FGFR2: variants seen among roughly 807,000 people sequenced by gnomAD.
FGFR2 encodes BEK fibroblast growth factor receptor.
In FGFR2, 19 loss-of-function variants were observed where a neutral mutation model predicts 95.9. The ratio of observed to expected loss-of-function variants is 0.20; its 90% CI spans 0.14 to 0.29. FGFR2 has a LOEUF of 0.29. Among genes scored for constraint, FGFR2 ranks in the 10% least tolerant of loss-of-function variants. The probability of loss-of-function intolerance (pLI) is 1.00; values close to 1 mark genes in which losing one functional copy is unlikely to be tolerated. For missense variants in FGFR2, 707 were observed against 1,056.9 expected (o/e 0.67, Z 4.59); for synonymous variants, 392 against 393.3 (o/e 1.00, Z 0.04).
chr10:121,489,076 G>GT (rs148211074), intron 13 of FGFR2, among the ~76,000 whole-genome samples: 26,566 of 151,334 alleles, frequency 0.18, 2,682 homozygotes, highest in African/African-American at 0.26. Context: ...TCTTGTTTTT[G>GT]TTTTTTTTGT....
intron 5 of FGFR2, among the ~76,000 whole-genome samples, chr10:121,545,376 T>G (rs1854350959): frequency 1.3e-5 from 2 of 152,184 alleles, no homozygotes. Flanking sequence ...ACCACGTAGG[T>G]CCAAATGGCA....
intron 16 of FGFR2, among the ~76,000 whole-genome samples, chr10:121,484,456 C>T (rs915454216): frequency 2.0e-5 from 3 of 152,104 alleles, no homozygotes; most frequent in South Asian, 4.1e-4. Flanking sequence ...ACAAAGAGCA[C>T]AATAAATGCC....
intron 9 of FGFR2, among the ~76,000 whole-genome samples, chr10:121,509,482 CTTTTT>C (rs67778522): frequency 6.2e-4 from 28 of 45,344 alleles, no homozygotes; most frequent in Admixed American, 3.6e-4. Flanking sequence ...TGTTTCTTTT[CTTTTT>C]TTTTTTTTTT....
chr10:121,487,494 G>A (rs1029447542), intron 14 of FGFR2, 70 bp from the exon 15 acceptor site: 2 of 1,266,392 alleles, frequency 1.6e-6, no homozygotes, highest in South Asian at 2.5e-5. Context: ...GCTCAATAGG[G>A]CTATGCCCTG....
chr10:121,532,034 G>C (rs1239539357), intron 6 of FGFR2, among the ~76,000 whole-genome samples: 2 of 152,184 alleles, frequency 1.3e-5, no homozygotes, highest in African/African-American at 4.8e-5. Context: ...GCCCCCCTCC[G>C]GTGAGATTTC....
rs2135087620 is a variant in FGFR2 at position 121,564,520 on chromosome 10, C to T, written c.436G>A (p.Glu146Lys). Residue 146 changes from glutamate (E) to lysine (K), a missense_variant, in exon 4 of 18, where the codon GAG becomes AAG. Physicochemically the swap from Glu to Lys is moderately conservative, Grantham distance 56 (BLOSUM62 1). Transcript: ENST00000358487. ...DTDGAEDFVS[E>K]NSNNKRAPYW... is the part of the protein sequence containing the mutation. ...TACTTACTCTTGTTGTTACTGTTCT[C>T]ACTGACAAAATCTTCCGCACCATCG... 2 of 1,614,000 alleles carry T rather than the reference C, an allele frequency of 1.2e-6. No individual in the cohort carries two copies. Among genetic ancestry groups the T allele is most frequent in the Non-Finnish European group, 1.7e-6 (2 of 1,179,992 alleles).
At chr10:121,523,151 CTA>C (rs1850804121) in intron 6 of FGFR2, among the ~76,000 whole-genome samples, 2 of 152,198 alleles carry the variant, frequency 1.3e-5, no homozygotes, top group South Asian at 4.1e-4. Context: ...TTACAGACAT[CTA>C]TGTTTTCACA....
In FGFR2 at chr10:121,524,718, C is replaced by T. The variant is rs59655402; in HGVS notation, c.749-4549G>A. ...GTGATGGCAGGGTGCAGATGGTGGA[C>T]GAGGATGCAGGCTGGGCAGAGTGGG... On this transcript the variant is annotated intron_variant, in intron 6 of 17. Coordinates refer to ENST00000358487, the MANE Select transcript of FGFR2 (RefSeq NM_000141.5). Among the ~76,000 whole-genome samples, 1,397 of 152,274 alleles carry T rather than the reference C, an allele frequency of 9.2e-3. 14 individuals carry two copies. The highest frequency in any genetic ancestry group is 0.032 in the African/African-American group (1,317 of 41,556).
At chr10:121,593,592 G>C in intron 2 of FGFR2, 117 bp downstream of exon 2, 1 of 895,200 alleles carries the variant, frequency 1.1e-6, no homozygotes, top group Non-Finnish European at 1.8e-6. Context: ...ACCACGATCT[G>C]GTGCTCTTAG....
intron 13 of FGFR2, among the ~76,000 whole-genome samples, chr10:121,489,693 T>TA (rs1202111519): frequency 6.6e-6 from 1 of 152,198 alleles, no homozygotes; most frequent in Admixed American, 6.5e-5. Flanking sequence ...TTGTCTCTCT[T>TA]AATCGGAGAG....
rs566829086 is a variant in FGFR2, at chr10:121,528,540, T to C, written c.749-8371A>G. Among the ~76,000 whole-genome samples, 7 of 152,284 alleles carry C rather than the reference T, an allele frequency of 4.6e-5. 1 individual carries two copies. The highest frequency in any genetic ancestry group is 1.7e-4 in the African/African-American group (7 of 41,552). ...AAGTCTAGAAAATCTATCATGCTCA[T>C]CTCTCTCACATGCCTTGTTTTGCTC... On this transcript the variant is annotated intron_variant, in intron 6 of 17. Transcript: ENST00000358487.
rs1240320209 is a variant in FGFR2, at chr10:121,485,803, T to A, written c.2058-271A>T. On this transcript the variant is annotated intron_variant, in intron 15 of 17. Coordinates refer to ENST00000358487, the MANE Select transcript of FGFR2 (RefSeq NM_000141.5). The surrounding 1 kb of genome is among the most constrained non-coding windows in gnomAD (Gnocchi z 4.2). ...GAGCTGCTTGTCTTAAATGTGGTGT[T>A]AGCAATGCAAGGATCTCAGTTTCTC... Among the ~76,000 whole-genome samples, 1 of 152,192 alleles carries A rather than the reference T, an allele frequency of 6.6e-6. No homozygotes were observed. The highest frequency in any genetic ancestry group is 1.9e-4 in the East Asian group (1 of 5,174).
chr10:121,530,664 C>T (rs530591194), intron 6 of FGFR2, among the ~76,000 whole-genome samples: 1 of 152,090 alleles, frequency 6.6e-6, no homozygotes, highest in Non-Finnish European at 1.5e-5. Flanking sequence ...CAAAGGCAGC[C>T]GTTGATAAAG....
rs566018972 is a variant in FGFR2 at position 121,506,394 on chromosome 10, C to T, written c.1288-2453G>A. Among the ~76,000 whole-genome samples the T allele has an allele frequency of 2.0e-5, 3 of 146,712 alleles. No individual in the cohort carries two copies. The South Asian group carries it at 6.5e-4, about 32-fold the overall frequency. On this transcript the variant is annotated intron_variant, in intron 9 of 17. Coordinates refer to ENST00000358487, the MANE Select transcript of FGFR2 (RefSeq NM_000141.5). ...AAAAAAAAGAGGCCTAGCAATGGGA[C>T]GACTTCCGCAAATGGCCAGGGTCTG...
intron 4 of FGFR2, among the ~76,000 whole-genome samples, chr10:121,557,230 G>A (rs1027446499): frequency 6.6e-5 from 10 of 152,222 alleles, no homozygotes; most frequent in African/African-American, 2.4e-4. Flanking sequence ...TTTGACCAAG[G>A]AGGAGACTGA....
intron 13 of FGFR2, among the ~76,000 whole-genome samples, chr10:121,490,053 T>C (rs1331810664): frequency 3.9e-5 from 6 of 152,106 alleles, no homozygotes; most frequent in African/African-American, 1.4e-4. Context: ...ACACTGATTC[T>C]AAACACTGAA....
rs566474543 is a variant in FGFR2, at chr10:121,571,011, C to T, written c.110-5307G>A. Among the ~76,000 whole-genome samples, 15 of 150,478 alleles carry T rather than the reference C, an allele frequency of 1.0e-4. No homozygotes were observed. The South Asian group carries it at 1.9e-3, about 19-fold the overall frequency. ...CTTTTTTTTCTTTTTTTTTTTGAGA[C>T]GGAGTCTGGCTTTGTCGCCCAGGCT... On this transcript the variant is annotated intron_variant, in intron 2 of 17. Coordinates refer to ENST00000358487, the MANE Select transcript of FGFR2 (RefSeq NM_000141.5).
intron 1 of FGFR2, 33 bp from the exon 2 acceptor site, chr10:121,594,000 T>C: frequency 1.5e-6 from 1 of 687,084 alleles, no homozygotes; most frequent in Non-Finnish European, 2.6e-6. Flanking sequence ...TCAGGGAATC[T>C]TCCCCAATGC....
intron 6 of FGFR2, among the ~76,000 whole-genome samples, chr10:121,524,146 A>ACACACACACACACACC (rs142755962): frequency 7.3e-6 from 1 of 136,892 alleles, no homozygotes; most frequent in Non-Finnish European, 1.5e-5. Context: ...ACACACACAC[A>ACACACACACACACACC]CCCCAAGTTT....
Sources: gnomAD v4.1 joint callset for allele counts (sites outside exome capture counted in the v4.1 genomes callset) on GRCh38, gnomAD v4.1.1 for gene constraint, Gnocchi (gnomAD v3.1) non-coding constraint, MANE v1.5 for transcripts, NCBI Gene and HGNC (gene_info 2026-07-23, HGNC 2026-07-21) for gene names.